The following AGBL4 variants were observed in gnomAD, a reference collection of about 807,000 sequenced individuals.
AGBL4 encodes AGBL carboxypeptidase 4.
Under a neutral mutation model 66.4 loss-of-function variants are expected in AGBL4, and 58 were observed. That is an observed-to-expected ratio of 0.87 (90% CI 0.71 to 1.09). AGBL4 has a LOEUF of 1.09. Ranked by LOEUF, AGBL4 falls within the 50% of genes least tolerant of loss-of-function variation. AGBL4 has a pLI of 0.00. For synonymous variants in AGBL4, 234 were observed against 222.9 expected (o/e 1.05, Z -0.44); for missense variants, 579 against 631.0 (o/e 0.92, Z 0.88).
At chr1:49,713,791 A>G (rs1249890949) in intron 2 of AGBL4, among the ~76,000 whole-genome samples, 2 of 152,008 alleles carry the variant, frequency 1.3e-5, no homozygotes, top group Non-Finnish European at 2.9e-5. Flanking sequence ...TCTGCTTAGA[A>G]AAGTCTCCTC....
Position 49,398,512 on chromosome 1 carries a change from C to T in AGBL4, c.283-152648G>A, listed in dbSNP as rs573502273. Among the ~76,000 whole-genome samples the T allele has an allele frequency of 5.3e-5, 8 of 152,194 alleles. No individual in the cohort carries two copies. The East Asian group carries it at 1.5e-3, about 29-fold the overall frequency. On this transcript the variant is annotated intron_variant, in intron 3 of 13. Coordinates refer to ENST00000371839, the MANE Select transcript of AGBL4 (RefSeq NM_032785.4). The stretch of plus-strand genomic sequence containing the variant: ...AGCTTGTAGACAGCACATGGTGGGA[C>T]TTCTGGCCCTCCATACTCTTGTCAC...
At chr1:49,294,826 C>T (rs1182609477) in intron 3 of AGBL4, among the ~76,000 whole-genome samples, 2 of 152,128 alleles carry the variant, frequency 1.3e-5, no homozygotes, top group Non-Finnish European at 2.9e-5. Flanking sequence ...ACATAGGTAC[C>T]TCCTCTTTTC....
At chr1:48,565,744 T>C (rs866784780) in intron 11 of AGBL4, among the ~76,000 whole-genome samples, 70 of 152,202 alleles carry the variant, frequency 4.6e-4, no homozygotes, top group African/African-American at 1.5e-3. Flanking sequence ...TCTCATAAGT[T>C]AAATGAGAAC....
At chr1:48,602,585 C>G (rs1645089243) in intron 9 of AGBL4, among the ~76,000 whole-genome samples, 1 of 152,170 alleles carries the variant, frequency 6.6e-6, no homozygotes, top group Non-Finnish European at 1.5e-5. Context: ...TGCAGTCTTT[C>G]CACTTGGCAG....
At chr1:48,652,521 C>A (rs762935177) in intron 8 of AGBL4, among the ~76,000 whole-genome samples, 15 of 152,164 alleles carry the variant, frequency 9.9e-5, no homozygotes, top group Non-Finnish European at 1.6e-4. Flanking sequence ...GGCAGCAGGG[C>A]AGACAATGCC....
chr1:49,200,116 G>A (rs1021258305), intron 4 of AGBL4, among the ~76,000 whole-genome samples: 12 of 152,106 alleles, frequency 7.9e-5, no homozygotes, highest in African/African-American at 2.9e-4. Flanking sequence ...AACAAGGCAG[G>A]CAGGGTGCCT....
intron 3 of AGBL4, among the ~76,000 whole-genome samples, chr1:49,585,106 T>C (rs1198921437): frequency 6.6e-6 from 1 of 152,226 alleles, no homozygotes; most frequent in Non-Finnish European, 1.5e-5. Context: ...ATTTCACCTA[T>C]TATAGTTAGA....
chr1:49,642,211 A>G (rs961867866), intron 3 of AGBL4, among the ~76,000 whole-genome samples: 1 of 152,068 alleles, frequency 6.6e-6, no homozygotes, highest in Non-Finnish European at 1.5e-5. Context: ...AGATAAAACA[A>G]TGGGCCTGGA....
intron 3 of AGBL4, among the ~76,000 whole-genome samples, chr1:49,410,842 G>A (rs1465184545): frequency 6.6e-6 from 1 of 152,250 alleles, no homozygotes; most frequent in South Asian, 2.1e-4. Flanking sequence ...TGACAGTAAC[G>A]TCAATGATGG....
At chr1:49,300,014 T>C (rs1445033160) in intron 3 of AGBL4, among the ~76,000 whole-genome samples, 2 of 152,186 alleles carry the variant, frequency 1.3e-5, no homozygotes, top group Admixed American at 6.5e-5. Context: ...ATTTTGTTGA[T>C]GTTAATTTGT....
intron 5 of AGBL4, among the ~76,000 whole-genome samples, chr1:48,911,242 G>A (rs1653066897): frequency 6.6e-6 from 1 of 152,146 alleles, no homozygotes; most frequent in Non-Finnish European, 1.5e-5. Flanking sequence ...TGCTTATGAG[G>A]AGTCCTAGCT....
chr1:49,995,454 G>A (rs953144607), intron 1 of AGBL4: 2 of 367,940 alleles, frequency 5.4e-6, no homozygotes, highest in Non-Finnish European at 1.1e-5. Flanking sequence ...CCACTGGGCT[G>A]AGAACCACAA....
chr1:49,286,869 A>C (rs1237732724), intron 3 of AGBL4, among the ~76,000 whole-genome samples: 1 of 152,070 alleles, frequency 6.6e-6, no homozygotes, highest in East Asian at 1.9e-4. Context: ...CTACTTTAAA[A>C]TTCATATGGA....
intron 8 of AGBL4, among the ~76,000 whole-genome samples, chr1:48,640,005 A>T (rs1024682952): frequency 3.9e-5 from 6 of 152,304 alleles, no homozygotes; most frequent in Admixed American, 3.3e-4. Flanking sequence ...GTTTAGAGTT[A>T]CTGAATGCAA....
At position 49,363,511 on chromosome 1, in the gene AGBL4, G is replaced by A. The variant is rs11590806; in HGVS notation, c.283-117647C>T. On this transcript the variant is annotated intron_variant, in intron 3 of 13. Transcript: ENST00000371839. ...CACCACAATATTTTCCCTACCTGGG[G>A]TTAATGAACATGTCAGATGCTGAAA... Among the ~76,000 whole-genome samples, 700 of 152,286 alleles carry A rather than the reference G, an allele frequency of 4.6e-3. 3 individuals are homozygous for A. Among genetic ancestry groups the A allele is most frequent in the Non-Finnish European group, 6.2e-3 (419 of 68,030 alleles).
At chr1:49,733,773 G>A (rs893920864) in intron 2 of AGBL4, among the ~76,000 whole-genome samples, 1 of 152,102 alleles carries the variant, frequency 6.6e-6, no homozygotes, top group African/African-American at 2.4e-5. Context: ...TCTGCCATGT[G>A]GGGACAAAGA....
intron 6 of AGBL4, among the ~76,000 whole-genome samples, chr1:48,664,984 C>T (rs1646163332): frequency 6.6e-6 from 1 of 152,184 alleles, no homozygotes; most frequent in African/African-American, 2.4e-5. Context: ...ATGCTGGAGA[C>T]ATGCTATTCT....
intron 2 of AGBL4, among the ~76,000 whole-genome samples, chr1:49,843,211 C>T (rs1646045101): frequency 2.0e-5 from 3 of 152,112 alleles, no homozygotes; most frequent in Admixed American, 6.5e-5. Flanking sequence ...ACAGCAACCT[C>T]GACCTTCTGG....
At chr1:49,334,775 A>G (rs1203735652) in intron 3 of AGBL4, among the ~76,000 whole-genome samples, 1 of 152,184 alleles carries the variant, frequency 6.6e-6, no homozygotes, top group Non-Finnish European at 1.5e-5. Flanking sequence ...CAGAGAAAGC[A>G]TTTTAAAACT....
Sources: gnomAD v4.1 joint callset for allele counts (sites outside exome capture counted in the v4.1 genomes callset) on GRCh38, gnomAD v4.1.1 for gene constraint, MANE v1.5 for transcripts, NCBI Gene and HGNC (gene_info 2026-07-23, HGNC 2026-07-21) for gene names.